The following FRMPD1 variants were observed in gnomAD, a reference collection of about 807,000 sequenced individuals.
The protein encoded by FRMPD1 is FERM and PDZ domain-containing protein 1.
In FRMPD1, 76 loss-of-function variants were observed where a neutral mutation model predicts 117.8. The ratio of observed to expected loss-of-function variants is 0.65; its 90% CI spans 0.54 to 0.78. The LOEUF is 0.78. FRMPD1 is among the 30% of genes least tolerant of loss of function. The pLI is 0.00. For synonymous variants in FRMPD1, 783 were observed against 770.4 expected, an observed-to-expected ratio of 1.02 and a Z score of -0.27; for missense variants, 1,786 against 1,964.5, an observed-to-expected ratio of 0.91 and a Z score of 1.72.
chr9:37,638,515 C>T, the FRMPD1 span, among the ~76,000 whole-genome samples: 2 of 152,280 alleles, frequency 1.3e-5, no homozygotes, highest in Non-Finnish European at 1.5e-5. Flanking sequence ...AGGAACTGAT[C>T]CCATTTTAGT....
intron 1 of FRMPD1, among the ~76,000 whole-genome samples, chr9:37,667,078 T>TTTTTTTTTTTTTTTTTC (rs1588910743): frequency 2.0e-5 from 3 of 149,358 alleles, no homozygotes; most frequent in African/African-American, 7.5e-5. Flanking sequence ...TTTTTTTTTT[T>TTTTTTTTTTTTTTTTTC]CCTGAGACAG....
At chr9:37,718,923 C>G in intron 5 of FRMPD1, 146 bp from the exon 6 acceptor site, 1 of 590,066 alleles carries the variant, frequency 1.7e-6, no homozygotes, top group South Asian at 1.9e-5. Context: ...ATGAAAATAC[C>G]TATAATGGGA....
At chr9:37,725,838 G>C (rs1366171197) in intron 7 of FRMPD1, among the ~76,000 whole-genome samples, 1 of 152,206 alleles carries the variant, frequency 6.6e-6, no homozygotes, top group East Asian at 1.9e-4. Flanking sequence ...CTTTGAACTT[G>C]GTCTGTTTTT....
intron 5 of FRMPD1, chr9:37,715,755 A>G (rs1273586153): frequency 2.2e-6 from 1 of 455,432 alleles, no homozygotes; most frequent in Non-Finnish European, 4.4e-6. Context: ...TCAGGTATAA[A>G]AGTACGGGAG....
At chr9:37,637,771 G>A in the FRMPD1 span, among the ~76,000 whole-genome samples, 1 of 152,262 alleles carries the variant, frequency 6.6e-6, no homozygotes, top group South Asian at 2.1e-4. Context: ...CAGAATGATT[G>A]TGAGGGTAAA....
At chr9:37,733,068 G>A (rs565444506) in intron 10 of FRMPD1, among the ~76,000 whole-genome samples, 82 of 152,324 alleles carry the variant, frequency 5.4e-4, no homozygotes, top group African/African-American at 1.9e-3. Flanking sequence ...GGATTTTGAA[G>A]CTGCTAGGCT....
chr9:37,678,071 C>G (rs933372002), intron 1 of FRMPD1, among the ~76,000 whole-genome samples: 2 of 151,956 alleles, frequency 1.3e-5, no homozygotes, highest in Non-Finnish European at 2.9e-5. Flanking sequence ...CCAGATGTGT[C>G]GTGGCTAAGC....
At chr9:37,732,156 G>T in intron 9 of FRMPD1, 148 bp from the exon 10 acceptor site, 3 of 722,584 alleles carry the variant, frequency 4.2e-6, no homozygotes, top group Non-Finnish European at 7.0e-6. Context: ...GGAGAGTCTT[G>T]GTAACTTAAC....
At chr9:37,661,359 C>T (rs942753052) in intron 1 of FRMPD1, among the ~76,000 whole-genome samples, 2 of 152,160 alleles carry the variant, frequency 1.3e-5, no homozygotes, top group African/African-American at 4.8e-5. Context: ...ATTATCTGTG[C>T]ATGTTAAGCT....
At position 37,740,805 on chromosome 9, in the gene FRMPD1, A is replaced by C. The variant is rs1824371754; in HGVS notation, c.2277A>C (p.Pro759=). The change falls in exon 15 of 16, where the codon CCA becomes CCC. Residue 759 remains proline, a synonymous_variant. Transcript: ENST00000377765. This position sits in a 1 kb window ranked among gnomAD's most constrained non-coding sequence, Gnocchi z 4.2. ...TGGAACCCCTGGCCCTGCACCCACC[A>C]CTGGCCTTTGAGGATGGCAGCTCAG... ...SMLEPLALHP[P]LAFEDGSSDE... 3 of 1,613,924 alleles carry C rather than the reference A, an allele frequency of 1.9e-6. No homozygotes were observed. The African/African-American group carries it at 4.0e-5, about 22-fold the overall frequency.
chr9:37,649,805 G>A (rs1820612420), upstream of FRMPD1, among the ~76,000 whole-genome samples: 1 of 152,138 alleles, frequency 6.6e-6, no homozygotes, highest in African/African-American at 2.4e-5. Context: ...CCTTGACCAG[G>A]AATTGGCCCC....
At chr9:37,637,963 G>GCTTGCTTGCTTT in the FRMPD1 span, among the ~76,000 whole-genome samples, 40 of 100,130 alleles carry the variant, frequency 4.0e-4, 6 homozygotes, top group Non-Finnish European at 6.5e-4. Flanking sequence ...AATGGTGTAT[G>GCTTGCTTGCTTT]CTTTCTTTCT....
intron 1 of FRMPD1, among the ~76,000 whole-genome samples, chr9:37,671,342 A>C (rs1821344580): frequency 1.3e-5 from 2 of 152,132 alleles, no homozygotes; most frequent in Admixed American, 1.3e-4. Context: ...ATATGTTATG[A>C]CTTCTAGTAT....
chr9:37,650,363 C>G (rs535508839), upstream of FRMPD1, among the ~76,000 whole-genome samples: 299 of 152,180 alleles, frequency 2.0e-3, no homozygotes, highest in Non-Finnish European at 3.0e-3. Context: ...TCAAGGAGAC[C>G]GAGGGAGTGG....
At chr9:37,718,772 A>G (rs551170711) in intron 5 of FRMPD1, among the ~76,000 whole-genome samples, 3 of 152,348 alleles carry the variant, frequency 2.0e-5, no homozygotes, top group South Asian at 2.1e-4. Context: ...GCAGTAAAAC[A>G]TGAGTTGGAA....
chr9:37,731,048 A>AC lies in FRMPD1; in HGVS notation c.808dup (p.Leu270ProfsTer12). 1 of 1,613,268 alleles carries AC rather than the reference A, an allele frequency of 6.2e-7. No individual in the cohort carries two copies. Among genetic ancestry groups the AC allele is most frequent in the South Asian group, 1.1e-5 (1 of 91,060 alleles). On this transcript the variant is annotated frameshift_variant, in exon 9 of 16. Transcript: ENST00000377765. LOFTEE classifies it high-confidence loss of function. Reference sequence around the variant, plus strand: ...TTCAGGGTCTGTTTTGTTCCCAAGGACCCCCTGGACCTCCTGAAAGAAGAC... The same window carrying AC: ...TTCAGGGTCTGTTTTGTTCCCAAGGACCCCCCTGGACCTCCTGAAAGAAGAC...
the FRMPD1 span, among the ~76,000 whole-genome samples, chr9:37,612,835 T>G: frequency 6.6e-6 from 1 of 152,076 alleles, no homozygotes; most frequent in Non-Finnish European, 1.5e-5. Context: ...TGGAGAGATG[T>G]CCTGTTTTTA....
At chr9:37,666,481 G>T (rs1821163700) in intron 1 of FRMPD1, among the ~76,000 whole-genome samples, 1 of 152,090 alleles carries the variant, frequency 6.6e-6, no homozygotes, top group Admixed American at 6.5e-5. Context: ...CTTCAGGGTA[G>T]CCCAGTGCCA....
rs752793542 is a variant in FRMPD1 at position 37,740,307 on chromosome 9, C to G, written c.1779C>G (p.Ala593=). The G allele has an allele frequency of 6.2e-7, 1 of 1,613,874 alleles. No homozygotes were observed. Among genetic ancestry groups the G allele is most frequent in the Admixed American group, 1.7e-5 (1 of 60,030 alleles). The change falls in exon 15 of 16, where the codon GCC becomes GCG. Residue 593 remains alanine, a synonymous_variant. Transcript: ENST00000377765. The surrounding 1 kb of genome is among the most constrained non-coding windows in gnomAD (Gnocchi z 4.2). The part of the protein sequence containing the change: ...DSAESEASDS[A]NTESRGYRTS... ...CCGAGTCCGAGGCGTCCGACTCAGC[C>G]AACACTGAGAGCCGCGGCTACAGGA...
Sources: allele counts gnomAD v4.1 joint callset (sites outside exome capture counted in the v4.1 genomes callset), GRCh38; gene constraint gnomAD v4.1.1; non-coding constraint Gnocchi (gnomAD v3.1); transcripts MANE v1.5; gene names NCBI Gene and HGNC (gene_info 2026-07-23, HGNC 2026-07-21).